Variants in APCDD1 observed in about 807,000 individuals in gnomAD.
The protein encoded by APCDD1 is protein APCDD1.
In APCDD1, 15 loss-of-function variants were observed where a neutral mutation model predicts 38.1. That is an observed-to-expected ratio of 0.39 (90% CI 0.26 to 0.61). The LOEUF (loss-of-function observed/expected upper bound fraction) is 0.61. APCDD1 is among the 20% of genes least tolerant of loss of function. APCDD1 has a pLI of 0.49. For missense variants in APCDD1, 647 were observed against 696.2 expected (o/e 0.93, Z 0.79); for synonymous variants, 261 against 279.7 (o/e 0.93, Z 0.67).
chr18:10,479,637 C>A (rs2031088249), intron 3 of APCDD1, among the ~76,000 whole-genome samples: 1 of 152,188 alleles, frequency 6.6e-6, no homozygotes, highest in South Asian at 2.1e-4. Flanking sequence ...GTCCTAAGAC[C>A]AAATTACCAT....
chr18:10,477,913 T>G (rs2031043050), intron 3 of APCDD1: 1 of 152,224 alleles, frequency 6.6e-6, no homozygotes, highest in Non-Finnish European at 1.5e-5. Flanking sequence ...AAGAACCATC[T>G]TCTTAGGGTC....
rs1598398700 is a variant in APCDD1, at chr18:10,476,129, A to G, written c.774+4068A>G. 1 of 152,246 alleles carries G rather than the reference A, an allele frequency of 6.6e-6. No individual in the cohort carries two copies. Among genetic ancestry groups the G allele is most frequent in the Admixed American group, 6.5e-5 (1 of 15,284 alleles). The allele number at this position is 152,246 out of a possible 1,614,324, so 9.4% of individuals were successfully genotyped here. Reference sequence around the variant, plus strand: ...TACACGCCTGCCCAGGAGAGGCTGGAACCTCCTCCTTTGAACTCTTCTACT... The same window carrying G: ...TACACGCCTGCCCAGGAGAGGCTGGGACCTCCTCCTTTGAACTCTTCTACT... On this transcript the variant is annotated intron_variant, in intron 3 of 4. Transcript: ENST00000355285. This position sits in a 1 kb window ranked among gnomAD's most constrained non-coding sequence, Gnocchi z 5.8.
chr18:10,485,636 G>GACA lies in APCDD1; in HGVS notation c.959_961dup (p.Asn320dup), dbSNP rs780375942. The GACA allele has an allele frequency of 6.2e-7, 1 of 1,613,992 alleles. No homozygotes were observed. Among genetic ancestry groups the GACA allele is most frequent in the Non-Finnish European group, 8.5e-7 (1 of 1,180,010 alleles). On this transcript the variant is annotated inframe_insertion, in exon 4 of 5. Coordinates refer to ENST00000355285, the MANE Select transcript of APCDD1 (RefSeq NM_153000.5). The surrounding 1 kb of genome is among the most constrained non-coding windows in gnomAD (Gnocchi z 5.8). ...CCTCACCCGCCACTTCATCTTCCAT[G>GACA]ACAACAACAACACCTGGGAGGGCCA...
chr18:10,458,240 T>G (rs966278090), intron 1 of APCDD1, among the ~76,000 whole-genome samples: 1 of 152,234 alleles, frequency 6.6e-6, no homozygotes, highest in Non-Finnish European at 1.5e-5. Context: ...TCCCACACCC[T>G]GTTTACTTTT....
At chr18:10,462,658 C>G (rs867898174) in intron 1 of APCDD1, among the ~76,000 whole-genome samples, 1 of 120,872 alleles carries the variant, frequency 8.3e-6, no homozygotes, top group Non-Finnish European at 1.8e-5. Context: ...TCCTTCCTTC[C>G]TTCCTTCCTT....
chr18:10,484,203 T>C (rs2031198709), intron 3 of APCDD1, among the ~76,000 whole-genome samples: 1 of 152,224 alleles, frequency 6.6e-6, no homozygotes, highest in Admixed American at 6.5e-5. Context: ...AGAAACCTTC[T>C]GAACCTGGAG....
At chr18:10,455,060 CGA>C (rs1423785870) in intron 1 of APCDD1, 21 bp downstream of exon 1, 1 of 1,557,352 alleles carries the variant, frequency 6.4e-7, no homozygotes, top group African/African-American at 1.4e-5. Context: ...GAGGGCCACT[CGA>C]GCGCTCCCAG....
At chr18:10,461,183 A>G (rs1179156133) in intron 1 of APCDD1, among the ~76,000 whole-genome samples, 2 of 152,118 alleles carry the variant, frequency 1.3e-5, no homozygotes, top group African/African-American at 4.8e-5. Context: ...AGGTGCACAC[A>G]CTTACATACC....
intron 3 of APCDD1, among the ~76,000 whole-genome samples, chr18:10,473,925 ATT>A (rs10691722): frequency 9.4e-5 from 12 of 127,756 alleles, no homozygotes; most frequent in South Asian, 5.2e-4. Flanking sequence ...CCTTTCTGGG[ATT>A]TTTTTTTTTT....
rs540559360 is a variant in APCDD1 at position 10,454,772 on chromosome 18, G to A, written c.-210G>A. The A allele has an allele frequency of 6.1e-6, 6 of 980,298 alleles. No individual in the cohort carries two copies. The highest frequency in any genetic ancestry group is 7.2e-6 in the Non-Finnish European group (6 of 828,116). The allele number at this position is 980,298 out of a possible 1,614,324, so 60.7% of individuals were successfully genotyped here. On this transcript the variant is annotated 5_prime_UTR_variant, in exon 1 of 5. Transcript: ENST00000355285. ...GAGAGGCCGGGACGCGGACCGGGCC[G>A]GGGCGCCCACAGCCGCCCGACGGCG...
chr18:10,473,701 A>G (rs1806316514), intron 3 of APCDD1, among the ~76,000 whole-genome samples: 1 of 152,066 alleles, frequency 6.6e-6, no homozygotes, highest in African/African-American at 2.4e-5. Flanking sequence ...GTCAGGGTTG[A>G]GTGGGTGTCT....
At chr18:10,455,242 C>T (rs1005613608) in intron 1 of APCDD1, among the ~76,000 whole-genome samples, 9 of 152,176 alleles carry the variant, frequency 5.9e-5, no homozygotes, top group South Asian at 2.1e-4. Flanking sequence ...GGACCGCTCT[C>T]CCCCAGGGCG....
In APCDD1 at chr18:10,467,726, T is replaced by TAGCC. The variant is rs1238427427; in HGVS notation, c.59-743_59-742insAGCC. Among the ~76,000 whole-genome samples the TAGCC allele has an allele frequency of 6.6e-6, 1 of 151,934 alleles. No individual in the cohort carries two copies. The highest frequency in any genetic ancestry group is 2.4e-5 in the African/African-American group (1 of 41,198). On this transcript the variant is annotated intron_variant, in intron 1 of 4. Coordinates refer to ENST00000355285, the MANE Select transcript of APCDD1 (RefSeq NM_153000.5). This position sits in a 1 kb window ranked among gnomAD's most constrained non-coding sequence, Gnocchi z 4.8. ...TTCTGGCCTTGTGAGGGTGAGGGGC[T>TAGCC]GGACTTGGAAGATAATTGGGGGGGA...
At position 10,472,402 on chromosome 18, in the gene APCDD1, G is replaced by A. The variant is rs2030884315; in HGVS notation, c.774+341G>A. On this transcript the variant is annotated intron_variant, in intron 3 of 4. Transcript: ENST00000355285. The surrounding 1 kb of genome is among the most constrained non-coding windows in gnomAD (Gnocchi z 6.6). ...AGGAACCTCTTCAGTGATTCCAAGA[G>A]GACAGTGTGAAGGCGATGTCATAAC... 6.6e-6 allele frequency among the ~76,000 whole-genome samples: 1 copy of A among 152,194 alleles called. No homozygotes were observed. Among genetic ancestry groups the A allele is most frequent in the Admixed American group, 6.5e-5 (1 of 15,280 alleles).
chr18:10,478,449 C>A (rs1485667913), intron 3 of APCDD1, among the ~76,000 whole-genome samples: 1 of 152,228 alleles, frequency 6.6e-6, no homozygotes, highest in African/African-American at 2.4e-5. Context: ...ACTCACTTCT[C>A]ACAGTTCTGG....
chr18:10,461,257 T>A (rs994408676), intron 1 of APCDD1, among the ~76,000 whole-genome samples: 1 of 152,198 alleles, frequency 6.6e-6, no homozygotes, highest in African/African-American at 2.4e-5. Context: ...TATAAAATTA[T>A]GTCCTAAAGC....
At position 10,471,220 on chromosome 18, in the gene APCDD1, T is replaced by C. The variant is rs1429681567; in HGVS notation, c.243-310T>C. ...GAGTGGAAGGCTGGCTGAGGCAGAGTGATTAGGAGCACAGCATCAGAGCCA... is the reference window on the plus strand; with the variant it reads ...GAGTGGAAGGCTGGCTGAGGCAGAGCGATTAGGAGCACAGCATCAGAGCCA... On this transcript the variant is annotated intron_variant, in intron 2 of 4. Coordinates refer to ENST00000355285, the MANE Select transcript of APCDD1 (RefSeq NM_153000.5). This position sits in a 1 kb window ranked among gnomAD's most constrained non-coding sequence, Gnocchi z 5.5. Among the ~76,000 whole-genome samples, 1 of 151,982 alleles carries C rather than the reference T, an allele frequency of 6.6e-6. No individual in the cohort carries two copies. Among genetic ancestry groups the C allele is most frequent in the Non-Finnish European group, 1.5e-5 (1 of 67,972 alleles).
chr18:10,462,160 G>T (rs1046930541), intron 1 of APCDD1, among the ~76,000 whole-genome samples: 1 of 144,528 alleles, frequency 6.9e-6, no homozygotes. Flanking sequence ...CCAATTAAGT[G>T]GGGGGGGCTT....
intron 1 of APCDD1, among the ~76,000 whole-genome samples, chr18:10,457,051 G>A (rs2030400495): frequency 6.6e-6 from 1 of 152,214 alleles, no homozygotes; most frequent in Non-Finnish European, 1.5e-5. Flanking sequence ...TGGATAAACC[G>A]ATAAAAAGTT....
Sources: allele counts gnomAD v4.1 joint callset (sites outside exome capture counted in the v4.1 genomes callset), GRCh38; gene constraint gnomAD v4.1.1; non-coding constraint Gnocchi (gnomAD v3.1); transcripts MANE v1.5; gene names NCBI Gene and HGNC (gene_info 2026-07-23, HGNC 2026-07-21).